The following PIK3C2A variants were observed in gnomAD, a reference collection of about 807,000 sequenced individuals.
PIK3C2A encodes phosphatidylinositol 4-phosphate 3-kinase C2 domain-containing subunit alpha.
PIK3C2A carries 97 observed loss-of-function variants against 204.5 expected under a neutral mutation model. That is an observed-to-expected ratio of 0.47 (90% CI 0.40 to 0.56). The LOEUF is 0.56. Among genes scored for constraint, PIK3C2A ranks in the 20% least tolerant of loss-of-function variants. The pLI is 0.00. For missense variants in PIK3C2A, 1,735 were observed against 1,969.2 expected (o/e 0.88, Z 2.25); for synonymous variants, 653 against 664.4 (o/e 0.98, Z 0.26).
Position 17,105,312 on chromosome 11 carries a change from T to C in PIK3C2A, c.3545-7A>G, listed in dbSNP as rs750700338. On this transcript the variant is annotated splice_polypyrimidine_tract_variant and splice_region_variant and intron_variant, in intron 22 of 32. Transcript: ENST00000691414. ...GGAACCAGCTCCACCATGCCTTTAA[T>C]GATAAAATATTAAGCTATGTAAAAC... 1.9e-5 allele frequency: 31 copies of C among 1,600,552 alleles called. No homozygotes were observed. Among genetic ancestry groups the C allele is most frequent in the Non-Finnish European group, 1.6e-5 (19 of 1,174,654 alleles).
Position 17,095,792 on chromosome 11 carries a change from G to A in PIK3C2A, c.4326+1265C>T, listed in dbSNP as rs1848437701. Among the ~76,000 whole-genome samples, 5 of 151,068 alleles carry A rather than the reference G, an allele frequency of 3.3e-5. 1 individual carries two copies. The South Asian group carries it at 1.0e-3, about 31-fold the overall frequency. ...TAGCCGGGTGTGCTGGCGCATGCCT[G>A]TAGTCCCAGCTAGCCATTCAGGAGC... On this transcript the variant is annotated intron_variant, in intron 27 of 32. Transcript: ENST00000691414.
chr11:17,144,360 A>G (rs574235431), intron 8 of PIK3C2A, among the ~76,000 whole-genome samples: 2 of 152,252 alleles, frequency 1.3e-5, no homozygotes, highest in Admixed American at 1.3e-4. Flanking sequence ...ACTATATTGA[A>G]GTTTTGTTTA....
At chr11:17,117,431 C>T (rs1378442224) in intron 19 of PIK3C2A, 60 bp downstream of exon 19, 9 of 1,167,078 alleles carry the variant, frequency 7.7e-6, no homozygotes, top group Non-Finnish European at 1.1e-5. Context: ...AATTAGTCAG[C>T]ACCATAAAGA....
intron 8 of PIK3C2A, among the ~76,000 whole-genome samples, chr11:17,142,407 GAC>G (rs965281303): frequency 2.0e-5 from 3 of 152,142 alleles, no homozygotes; most frequent in Admixed American, 6.6e-5. Flanking sequence ...GTAAGAGTGA[GAC>G]AGAGCAGCTA....
intron 1 of PIK3C2A, among the ~76,000 whole-genome samples, chr11:17,173,539 G>A (rs1204006496): frequency 6.6e-6 from 1 of 152,172 alleles, no homozygotes; most frequent in African/African-American, 2.4e-5. Context: ...ACTGGCATCT[G>A]GATCCAACTA....
At chr11:17,118,522 C>T (rs113987901) in intron 18 of PIK3C2A, 123 bp downstream of exon 18, 1 of 555,844 alleles carries the variant, frequency 1.8e-6, no homozygotes, top group African/African-American at 1.9e-5. Flanking sequence ...TAAAATAATA[C>T]CTTCAATAAA....
chr11:17,158,865 G>A (rs530845661), intron 2 of PIK3C2A, among the ~76,000 whole-genome samples: 54 of 152,098 alleles, frequency 3.6e-4, no homozygotes, highest in African/African-American at 1.3e-3. Context: ...TTCAAGTTAC[G>A]AGTTTGAATT....
At chr11:17,174,593 CAAAAAA>C (rs71047532) in intron 1 of PIK3C2A, among the ~76,000 whole-genome samples, 1 of 35,714 alleles carries the variant, frequency 2.8e-5, no homozygotes, top group Non-Finnish European at 4.6e-5. Context: ...GACTCCGTCT[CAAAAAA>C]AAAAAAAAAA....
chr11:17,166,903 A>C (rs1004252463), intron 2 of PIK3C2A, among the ~76,000 whole-genome samples: 23 of 152,160 alleles, frequency 1.5e-4, no homozygotes, highest in Admixed American at 5.9e-4. Flanking sequence ...AATTGACCCG[A>C]ATATGAATCC....
intron 1 of PIK3C2A, among the ~76,000 whole-genome samples, chr11:17,202,641 T>C (rs1852429853): frequency 6.6e-6 from 1 of 152,108 alleles, no homozygotes; most frequent in Admixed American, 6.5e-5. Flanking sequence ...ATGCTTCTAA[T>C]TTATTATGCT....
At chr11:17,165,514 G>A (rs1369231362) in intron 2 of PIK3C2A, among the ~76,000 whole-genome samples, 5 of 151,690 alleles carry the variant, frequency 3.3e-5, no homozygotes, top group Non-Finnish European at 5.9e-5. Flanking sequence ...GGTGGCTCAC[G>A]CCTGTAATCC....
intron 2 of PIK3C2A, among the ~76,000 whole-genome samples, chr11:17,162,819 T>C (rs1850822136): frequency 1.3e-5 from 2 of 152,330 alleles, no homozygotes; most frequent in South Asian, 2.1e-4. Context: ...GTCTAAAGTT[T>C]TTCTCTTAAC....
At chr11:17,185,943 C>T (rs1851736911) in intron 1 of PIK3C2A, among the ~76,000 whole-genome samples, 1 of 152,168 alleles carries the variant, frequency 6.6e-6, no homozygotes, top group Non-Finnish European at 1.5e-5. Flanking sequence ...CTCCTCTGCA[C>T]AGAATTTTCA....
At chr11:17,102,353 C>T (rs867371477) in intron 24 of PIK3C2A, among the ~76,000 whole-genome samples, 24 of 152,132 alleles carry the variant, frequency 1.6e-4, no homozygotes, top group Admixed American at 6.5e-4. Context: ...AGGAGAATGG[C>T]GTGAACCCGG....
chr11:17,184,498 G>A (rs1298268913), intron 1 of PIK3C2A, among the ~76,000 whole-genome samples: 2 of 152,024 alleles, frequency 1.3e-5, no homozygotes, highest in South Asian at 2.1e-4. Context: ...GAAAATAGCC[G>A]CTTGTAGAAT....
At chr11:17,153,520 AG>A (rs1850486579) in intron 3 of PIK3C2A, among the ~76,000 whole-genome samples, 1 of 152,228 alleles carries the variant, frequency 6.6e-6, no homozygotes, top group African/African-American at 2.4e-5. Flanking sequence ...GTAAAAGGAA[AG>A]AAATAGGACA....
At chr11:17,096,624 G>C (rs1240231220) in intron 27 of PIK3C2A, among the ~76,000 whole-genome samples, 1 of 152,122 alleles carries the variant, frequency 6.6e-6, no homozygotes, top group Non-Finnish European at 1.5e-5. Flanking sequence ...GGCAGTTCTG[G>C]AAAGTATTAT....
intron 12 of PIK3C2A, 95 bp downstream of exon 12, chr11:17,131,820 GA>G: frequency 3.2e-6 from 3 of 947,234 alleles, no homozygotes; most frequent in Non-Finnish European, 4.9e-6. Context: ...GAATTTCAAT[GA>G]AAATTGCAAT....
At chr11:17,106,123 C>A (rs967019248) in intron 22 of PIK3C2A, among the ~76,000 whole-genome samples, 1 of 132,098 alleles carries the variant, frequency 7.6e-6, no homozygotes, top group Non-Finnish European at 1.6e-5. Flanking sequence ...AAAAAAAAAT[C>A]AAGTCTGGCC....
Sources: gnomAD v4.1 joint callset for allele counts (sites outside exome capture counted in the v4.1 genomes callset) on GRCh38, gnomAD v4.1.1 for gene constraint, MANE v1.5 for transcripts, NCBI Gene and HGNC (gene_info 2026-07-23, HGNC 2026-07-21) for gene names.